The following MYO18B variants were observed in gnomAD, a reference collection of about 807,000 sequenced individuals.
The protein encoded by MYO18B is myosin XVIIIB, also known as unconventional myosin-XVIIIb.
In MYO18B, 204 loss-of-function variants were observed where a neutral mutation model predicts 273.0. The observed-to-expected ratio is 0.75, with a 90% CI of 0.67 to 0.84. MYO18B has a LOEUF of 0.84. Ranked by LOEUF, MYO18B falls within the 40% of genes least tolerant of loss-of-function variation. MYO18B has a pLI of 0.00. For missense variants in MYO18B, 3,212 were observed against 3,287.6 expected (o/e 0.98, Z 0.56); for synonymous variants, 1,330 against 1,305.7 (o/e 1.02, Z -0.40).
intron 42 of MYO18B, among the ~76,000 whole-genome samples, chr22:26,013,790 A>T (rs1935096233): frequency 6.6e-6 from 1 of 152,188 alleles, no homozygotes. Context: ...TTATATCTTC[A>T]TTCGAATATC....
Position 25,826,750 on chromosome 22 carries a change from G to T in MYO18B, c.2786+251G>T, listed in dbSNP as rs117216498. 1.6e-4 allele frequency among the ~76,000 whole-genome samples: 24 copies of T among 152,274 alleles called. No individual in the cohort carries two copies. In the East Asian group the frequency reaches 3.7e-3, roughly 23 times the overall value. ...CCAAGGACTGTTGTGAGGATTAAAA[G>T]AAATAATGAATTTAAATAACTCTTC... On this transcript the variant is annotated intron_variant, in intron 14 of 43. Coordinates refer to ENST00000335473, the MANE Select transcript of MYO18B (RefSeq NM_032608.7).
chr22:26,049,640 C>A, the MYO18B span, among the ~76,000 whole-genome samples: 1 of 152,194 alleles, frequency 6.6e-6, no homozygotes, highest in African/African-American at 2.4e-5. Flanking sequence ...ACCACTGAAT[C>A]CTCAGTGCCC....
intron 42 of MYO18B, among the ~76,000 whole-genome samples, chr22:26,015,754 A>G (rs919900967): frequency 6.6e-6 from 1 of 152,196 alleles, no homozygotes. Flanking sequence ...CCCCTGTGAC[A>G]TGAGTTTACC....
the MYO18B span, among the ~76,000 whole-genome samples, chr22:26,055,165 G>A: frequency 7.7e-4 from 117 of 152,298 alleles, no homozygotes; most frequent in African/African-American, 2.8e-3. Flanking sequence ...ATAGAGCCCG[G>A]TGTTTTTTCT....
At chr22:25,776,077 C>T (rs1203204719) in intron 7 of MYO18B, among the ~76,000 whole-genome samples, 2 of 152,222 alleles carry the variant, frequency 1.3e-5, no homozygotes, top group African/African-American at 4.8e-5. Context: ...CTGGTAGCCA[C>T]TGATCTGTTT....
Position 25,768,628 on chromosome 22 carries a change from C to G in MYO18B, c.712C>G (p.Gln238Glu), listed in dbSNP as rs2086598031. 1.3e-6 allele frequency: 2 copies of G among 1,527,422 alleles called. No homozygotes were observed. The highest frequency in any genetic ancestry group is 1.4e-5 in the African/African-American group (1 of 71,810). The allele number at this position is 1,527,422 out of a possible 1,614,324, so 94.6% of individuals were successfully genotyped here. A position where few individuals can be genotyped will look rare whatever the true frequency, so the allele number is the denominator to read the frequency against. ...TVALKKGEEG[Q>E]SIVGKGLGTP... ...GGCACTGAAAAAAGGCGAGGAGGGT[C>G]AAAGCATAGTGGGGAAGGGGCTTGG... is the stretch of plus-strand genomic sequence containing the variant. Residue 238 changes from glutamine (Q) to glutamate (E), a missense_variant, in exon 4 of 44, where the codon CAA (glutamine) becomes GAA (glutamate). Physicochemically the swap from Gln to Glu is conservative, Grantham distance 29. Transcript: ENST00000335473.
intron 18 of MYO18B, among the ~76,000 whole-genome samples, chr22:25,844,294 C>T (rs1275525218): frequency 6.6e-6 from 1 of 152,238 alleles, no homozygotes; most frequent in African/African-American, 2.4e-5. Context: ...TCCCTGGCTG[C>T]TCAGCCCAGA....
chr22:25,903,177 C>T lies in MYO18B; in HGVS notation c.4947+441C>T, dbSNP rs555595030. Reference sequence around the variant, plus strand: ...AGAACCTCTGAGCGCTTTAGCCTGGCGTTCAACTCCTTCACGATCTGGCCC... The same window carrying T: ...AGAACCTCTGAGCGCTTTAGCCTGGTGTTCAACTCCTTCACGATCTGGCCC... On this transcript the variant is annotated intron_variant, in intron 30 of 43. Transcript: ENST00000335473. The T allele has an allele frequency of 2.2e-4, 42 of 195,318 alleles. No individual in the cohort carries two copies. The South Asian group carries it at 3.8e-3, about 18-fold the overall frequency. 12.1% of individuals were successfully genotyped at this position (195,318 alleles called of 1,614,324 possible). A position where few individuals can be genotyped will look rare whatever the true frequency, so the allele number is the denominator to read the frequency against.
At position 25,990,964 on chromosome 22, in the gene MYO18B, A is replaced by G. The variant is rs1230890413; in HGVS notation, c.6157-1399A>G. Among the ~76,000 whole-genome samples, 5 of 152,152 alleles carry G rather than the reference A, an allele frequency of 3.3e-5. No individual in the cohort carries two copies. In the South Asian group the frequency reaches 8.3e-4, roughly 25 times the overall value. On this transcript the variant is annotated intron_variant, in intron 39 of 43. Coordinates refer to ENST00000335473, the MANE Select transcript of MYO18B (RefSeq NM_032608.7). ...TCTATAACCCCGCTTTGCCCCATCC[A>G]TAAATATTCTCAATTCTCCATGAGT...
At chr22:25,936,807 G>A (rs2146533213) in intron 34 of MYO18B, among the ~76,000 whole-genome samples, 1 of 152,230 alleles carries the variant, frequency 6.6e-6, no homozygotes, top group South Asian at 2.1e-4. Context: ...ACATGGTAGA[G>A]AGGAAGGAAC....
At chr22:25,804,154 A>G (rs1210692122) in intron 12 of MYO18B, among the ~76,000 whole-genome samples, 1 of 152,230 alleles carries the variant, frequency 6.6e-6, no homozygotes, top group Non-Finnish European at 1.5e-5. Flanking sequence ...CTGCAGCTAC[A>G]AATCCCATTT....
chr22:25,742,996 C>T (rs2085673175), intron 1 of MYO18B, among the ~76,000 whole-genome samples: 1 of 152,232 alleles, frequency 6.6e-6, no homozygotes, highest in South Asian at 2.1e-4. Context: ...GGAGCTCTCT[C>T]CCAGGAGAGG....
rs2087167070 is a variant in MYO18B at position 25,781,728 on chromosome 22, C to A, written c.2212-6C>A. The A allele has an allele frequency of 6.5e-7, 1 of 1,538,722 alleles. No homozygotes were observed. Among genetic ancestry groups the A allele is most frequent in the East Asian group, 2.4e-5 (1 of 42,470 alleles). ...CTGACTGGGTGCCCCTCTTCTCTCC[C>A]TGCAGACAATGCTTTTGGAGAAGAG... On this transcript the variant is annotated splice_region_variant and splice_polypyrimidine_tract_variant and intron_variant, in intron 9 of 43. Coordinates refer to ENST00000335473, the MANE Select transcript of MYO18B (RefSeq NM_032608.7).
At chr22:25,818,533 C>A (rs1408719300) in intron 12 of MYO18B, among the ~76,000 whole-genome samples, 1 of 152,230 alleles carries the variant, frequency 6.6e-6, no homozygotes, top group East Asian at 1.9e-4. Flanking sequence ...GTGCCTGGCA[C>A]ATAGGCTATG....
At chr22:25,884,284 G>A (rs1416839100) in intron 25 of MYO18B, among the ~76,000 whole-genome samples, 1 of 152,178 alleles carries the variant, frequency 6.6e-6, no homozygotes, top group East Asian at 1.9e-4. Context: ...ACTTGTTGGG[G>A]TCACATGGTC....
At chr22:25,829,682 A>G (rs2089635545) in intron 15 of MYO18B, among the ~76,000 whole-genome samples, 1 of 152,030 alleles carries the variant, frequency 6.6e-6, no homozygotes, top group Non-Finnish European at 1.5e-5. Flanking sequence ...TACTAAAAAT[A>G]CAAAAATTAG....
chr22:25,891,268 C>A, intron 26 of MYO18B, 36 bp from the exon 27 acceptor site: 1 of 1,433,638 alleles, frequency 7.0e-7, no homozygotes, highest in Non-Finnish European at 9.6e-7. Context: ...TGTCTTCTGT[C>A]CAGCTCTAGT....
rs370659043 is a variant in MYO18B, at chr22:26,027,382, C to T, written c.7408C>T (p.Arg2470Cys). Residue 2470 changes from arginine to cysteine, a missense_variant, in exon 43 of 44, where the codon CGT (arginine) becomes TGT (cysteine). By Grantham distance (180) the Arg-to-Cys change is radical. Transcript: ENST00000335473. This position sits in a 1 kb window ranked among gnomAD's most constrained non-coding sequence, Gnocchi z 4.1. The part of the protein sequence containing the change: ...SAKGGQDGSQ[R>C]SSIHFETEEA... The stretch of plus-strand genomic sequence containing the variant: ...CAAAGGTGGGCAAGACGGTTCACAG[C>T]GTTCAAGCATCCACTTTGAAACGGA... The T allele has an allele frequency of 3.5e-5, 56 of 1,613,836 alleles. No individual in the cohort carries two copies. Among genetic ancestry groups the T allele is most frequent in the South Asian group, 3.0e-4 (27 of 91,088 alleles).
At chr22:25,869,119 A>G (rs1218769083) in intron 22 of MYO18B, among the ~76,000 whole-genome samples, 2 of 152,092 alleles carry the variant, frequency 1.3e-5, no homozygotes, top group African/African-American at 2.4e-5. Context: ...TCAAGGACCA[A>G]GGAGTGGGGG....
Sources: gnomAD v4.1 joint callset for allele counts (sites outside exome capture counted in the v4.1 genomes callset) on GRCh38, gnomAD v4.1.1 for gene constraint, Gnocchi (gnomAD v3.1) non-coding constraint, MANE v1.5 for transcripts, NCBI Gene and HGNC (gene_info 2026-07-23, HGNC 2026-07-21) for gene names.